SNX29: variants seen among roughly 807,000 people sequenced by gnomAD.
The protein encoded by SNX29 is sorting nexin 29.
A neutral mutation model predicts 102.1 loss-of-function variants in SNX29; 78 were observed. The ratio of observed to expected loss-of-function variants is 0.76; its 90% CI spans 0.64 to 0.92. The LOEUF (loss-of-function observed/expected upper bound fraction) is 0.92, where lower values mean the gene tolerates loss of function less well. Ranked by LOEUF, SNX29 falls within the 40% of genes least tolerant of loss-of-function variation. The pLI is 0.00. For synonymous variants in SNX29, 580 were observed against 414.5 expected (o/e 1.40, Z -4.85); for missense variants, 1,280 against 1,061.7 (o/e 1.21, Z -2.86).
chr16:12,536,900 C>T (rs900713964), intron 20 of SNX29, among the ~76,000 whole-genome samples: 16 of 152,036 alleles, frequency 1.1e-4, no homozygotes, highest in Non-Finnish European at 1.3e-4. Flanking sequence ...CGCTTGAGCC[C>T]GGGAGGTGGA....
chr16:12,374,247 G>A (rs535046783), intron 16 of SNX29: 1 of 151,864 alleles, frequency 6.6e-6, no homozygotes, highest in Non-Finnish European at 1.5e-5. Flanking sequence ...GGGATGCAGA[G>A]AGCAGGCCTT....
chr16:12,521,523 C>G (rs935989425), intron 19 of SNX29, among the ~76,000 whole-genome samples: 7 of 152,158 alleles, frequency 4.6e-5, no homozygotes, highest in Non-Finnish European at 8.8e-5. Flanking sequence ...AGGACCATCT[C>G]TGATCTCTCC....
At chr16:12,495,534 C>T (rs139206308) in intron 19 of SNX29, among the ~76,000 whole-genome samples, 92 of 152,302 alleles carry the variant, frequency 6.0e-4, no homozygotes, top group African/African-American at 2.1e-3. Context: ...TCTTTCTTTG[C>T]CCCTTATTTT....
At chr16:12,557,668 AT>A in intron 20 of SNX29, 1 of 152,326 alleles carries the variant, frequency 6.6e-6, no homozygotes, top group Non-Finnish European at 1.5e-5. Context: ...AGCCCAAAAA[AT>A]CTTTTTGATG....
intron 13 of SNX29, among the ~76,000 whole-genome samples, chr16:12,155,009 A>G (rs138072415): frequency 6.6e-6 from 1 of 152,196 alleles, no homozygotes; most frequent in Admixed American, 6.5e-5. Flanking sequence ...GCATTTAGGC[A>G]TGAAGAATGT....
chr16:12,231,513 T>C (rs2077767627), intron 14 of SNX29, among the ~76,000 whole-genome samples: 1 of 151,538 alleles, frequency 6.6e-6, no homozygotes, highest in African/African-American at 2.4e-5. Context: ...TTAGTCAATT[T>C]CCAATTGTTG....
chr16:12,254,938 T>A (rs966396352), intron 14 of SNX29, among the ~76,000 whole-genome samples: 1 of 152,072 alleles, frequency 6.6e-6, no homozygotes. Context: ...TTCCAGGAGG[T>A]TGGCTGCAGA....
rs141914511 is a variant in SNX29, at chr16:12,419,016, G to A, written c.2037+15487G>A. On this transcript the variant is annotated intron_variant, in intron 18 of 20. Transcript: ENST00000566228. ...CTGCTGGCTTGTAGTGGGCAGGGCC[G>A]GGGGTGCTGCTCAACATCCTACAGT... Among the ~76,000 whole-genome samples the A allele has an allele frequency of 3.9e-5, 6 of 152,268 alleles. 1 individual carries two copies. Among genetic ancestry groups the A allele is most frequent in the Middle Eastern group, 3.4e-3 (1 of 294 alleles).
At chr16:12,471,037 T>C (rs971844004) in intron 18 of SNX29, among the ~76,000 whole-genome samples, 9 of 152,172 alleles carry the variant, frequency 5.9e-5, no homozygotes. Context: ...CCTCCCTCCC[T>C]ATGTAGCTGT....
chr16:12,411,581 C>G (rs1009799083), intron 18 of SNX29, among the ~76,000 whole-genome samples: 1 of 152,230 alleles, frequency 6.6e-6, no homozygotes, highest in African/African-American at 2.4e-5. Context: ...CAGTATAAAG[C>G]CTTTATTCGT....
At chr16:12,003,166 C>A in intron 3 of SNX29, 123 bp downstream of exon 3, 1 of 1,171,806 alleles carries the variant, frequency 8.5e-7, no homozygotes, top group South Asian at 1.3e-5. Context: ...GGCTTCTGGG[C>A]TCTGCCTCTG....
chr16:12,300,119 G>C (rs2080117415), intron 15 of SNX29, among the ~76,000 whole-genome samples: 1 of 152,192 alleles, frequency 6.6e-6, no homozygotes, highest in Non-Finnish European at 1.5e-5. Flanking sequence ...TGATCTGCCT[G>C]CCTCGGCCTC....
intron 1 of SNX29, among the ~76,000 whole-genome samples, chr16:11,977,242 C>T (rs2055321876): frequency 6.6e-6 from 1 of 152,146 alleles, no homozygotes; most frequent in South Asian, 2.1e-4. Flanking sequence ...TCTCCAGTCC[C>T]TGCAGTTTCC....
chr16:12,547,937 C>T (rs201716012), intron 20 of SNX29, among the ~76,000 whole-genome samples: 1 of 152,174 alleles, frequency 6.6e-6, no homozygotes, highest in Non-Finnish European at 1.5e-5. Context: ...CCTCAATTCC[C>T]AGTCTGCCCT....
At chr16:12,205,151 G>A (rs1202793820) in intron 14 of SNX29, among the ~76,000 whole-genome samples, 1 of 152,214 alleles carries the variant, frequency 6.6e-6, no homozygotes, top group Non-Finnish European at 1.5e-5. Context: ...TGTTTCAGGG[G>A]AGCTTGCAGG....
chr16:12,071,889 C>G (rs1193939044), intron 10 of SNX29, among the ~76,000 whole-genome samples: 5 of 152,310 alleles, frequency 3.3e-5, no homozygotes, highest in African/African-American at 1.2e-4. Flanking sequence ...TCCTTCACGT[C>G]CCTTGTAAGT....
At chr16:12,181,484 G>A (rs901954425) in intron 13 of SNX29, among the ~76,000 whole-genome samples, 2 of 152,212 alleles carry the variant, frequency 1.3e-5, no homozygotes, top group African/African-American at 4.8e-5. Context: ...AACCAGATAG[G>A]CATTCAGCTC....
chr16:12,055,712 C>T (rs2050490746), intron 8 of SNX29, among the ~76,000 whole-genome samples: 1 of 152,146 alleles, frequency 6.6e-6, no homozygotes, highest in Non-Finnish European at 1.5e-5. Context: ...CGAGGCCTTG[C>T]ACTGCTTGCA....
rs183474316 is a variant in SNX29, at chr16:12,357,987, G to A, written c.1899+1708G>A. 2.4e-3 allele frequency among the ~76,000 whole-genome samples: 360 copies of A among 152,262 alleles called. 1 individual carries two copies. Among genetic ancestry groups the A allele is most frequent in the Non-Finnish European group, 2.4e-3 (163 of 68,020 alleles). On this transcript the variant is annotated intron_variant, in intron 16 of 20. Coordinates refer to ENST00000566228, the MANE Select transcript of SNX29 (RefSeq NM_032167.5). ...ATTTTGCTGATTATATGACTGTGTC[G>A]TTGGGTGGTGTTTTCTGTCAGGAGA...
Sources: allele counts gnomAD v4.1 joint callset (sites outside exome capture counted in the v4.1 genomes callset), GRCh38; gene constraint gnomAD v4.1.1; transcripts MANE v1.5; gene names NCBI Gene and HGNC (gene_info 2026-07-23, HGNC 2026-07-21).